Variants in TJP2 observed in about 807,000 individuals in gnomAD.
TJP2 encodes Friedreich ataxia region gene X104 (tight junction protein ZO-2).
In TJP2, 91 loss-of-function variants were observed where a neutral mutation model predicts 133.1. The observed-to-expected ratio is 0.68, with a 90% CI of 0.58 to 0.81. The LOEUF is 0.81. Ranked by LOEUF, TJP2 falls within the 40% of genes least tolerant of loss-of-function variation. The pLI, the probability that TJP2 is intolerant of heterozygous loss-of-function variation, is 0.00. For missense variants in TJP2, 1,541 were observed against 1,565.6 expected (o/e 0.98, Z 0.26); for synonymous variants, 592 against 583.4 (o/e 1.01, Z -0.21).
At chr9:69,234,648 A>G (rs1830050831) in intron 12 of TJP2, 101 bp downstream of exon 12, 3 of 873,112 alleles carry the variant, frequency 3.4e-6, no homozygotes, top group African/African-American at 3.4e-5. Context: ...TGGGTATTAA[A>G]AAATTGAGAT....
intron 2 of TJP2, among the ~76,000 whole-genome samples, chr9:69,155,955 A>G (rs542710070): frequency 1.7e-4 from 26 of 152,358 alleles, no homozygotes; most frequent in Non-Finnish European, 3.1e-4. Flanking sequence ...CCTGTACATT[A>G]AAAGAGTCTG....
chr9:69,253,864 A>C (rs1452435775), intron 22 of TJP2: 1 of 351,220 alleles, frequency 2.8e-6, no homozygotes, highest in African/African-American at 2.1e-5. Context: ...TCTGGCAACA[A>C]AGAGTTCTTG....
At chr9:69,139,892 C>T (rs1303846633) in intron 1 of TJP2, among the ~76,000 whole-genome samples, 2 of 152,170 alleles carry the variant, frequency 1.3e-5, no homozygotes, top group Non-Finnish European at 2.9e-5. Flanking sequence ...TGGGGCCTTC[C>T]TGGCCAGCAG....
At chr9:69,159,141 C>T (rs1823926197) in intron 2 of TJP2, among the ~76,000 whole-genome samples, 1 of 151,062 alleles carries the variant, frequency 6.6e-6, no homozygotes, top group Non-Finnish European at 1.5e-5. Context: ...TCTGTCTCTA[C>T]AAAAAATACC....
In TJP2 at chr9:69,220,790, G is replaced by C. The variant is rs994980552; in HGVS notation, c.343-97G>C. ...AACCTTAGTGAGTCGGCAGGGATAC[G>C]GTTTTCCTGAAACCAGAACCAGGGC... is the stretch of plus-strand genomic sequence containing the variant. On this transcript the variant is annotated intron_variant, in intron 4 of 22. Coordinates refer to ENST00000377245, the MANE Select transcript of TJP2 (RefSeq NM_004817.4). 5 of 1,228,236 alleles carry C rather than the reference G, an allele frequency of 4.1e-6. No homozygotes were observed. In the Admixed American group the frequency reaches 9.0e-5, roughly 22 times the overall value. The allele number at this position is 1,228,236 out of a possible 1,614,324, so 76.1% of individuals were successfully genotyped here. A position where few individuals can be genotyped will look rare whatever the true frequency, so the allele number is the denominator to read the frequency against.
intron 17 of TJP2, among the ~76,000 whole-genome samples, chr9:69,241,814 A>G (rs1391947770): frequency 6.6e-6 from 1 of 152,192 alleles, no homozygotes; most frequent in Non-Finnish European, 1.5e-5. Flanking sequence ...CTGAGCCCAG[A>G]CTAAACTATA....
intron 1 of TJP2, among the ~76,000 whole-genome samples, chr9:69,201,317 G>A (rs921580308): frequency 6.6e-6 from 1 of 152,198 alleles, no homozygotes; most frequent in African/African-American, 2.4e-5. Flanking sequence ...ACTGGTTGGA[G>A]CAGGCTGCAG....
intron 1 of TJP2, among the ~76,000 whole-genome samples, chr9:69,195,847 G>T (rs1826522137): frequency 6.6e-6 from 1 of 152,214 alleles, no homozygotes; most frequent in Non-Finnish European, 1.5e-5. Context: ...GTGTTGACTG[G>T]ACCCAGGCCA....
Position 69,227,875 on chromosome 9 carries a change from T to C in TJP2, c.1319+2T>C, listed in dbSNP as rs750464696. On this transcript the variant is annotated splice_donor_variant, in intron 8 of 22. Transcript: ENST00000377245. LOFTEE classifies it high-confidence loss of function. ...TGAGAAGCTGAAGGAAAGGCCAAGG[T>C]AAGATGACATGAATATTCTCTTGTA... 7.4e-6 allele frequency: 12 copies of C among 1,612,802 alleles called. No individual in the cohort carries two copies. The African/African-American group carries it at 1.5e-4, about 20-fold the overall frequency.
chr9:69,187,796 G>A (rs1825954545), intron 1 of TJP2, among the ~76,000 whole-genome samples: 1 of 152,182 alleles, frequency 6.6e-6, no homozygotes, highest in African/African-American at 2.4e-5. Flanking sequence ...GCATGATGTA[G>A]AGTAGTTGCT....
intron 17 of TJP2, among the ~76,000 whole-genome samples, chr9:69,241,022 A>G (rs1830547151): frequency 6.6e-6 from 1 of 152,188 alleles, no homozygotes; most frequent in African/African-American, 2.4e-5. Context: ...ATGGGATTAT[A>G]GACAGGACAA....
At chr9:69,204,278 A>G (rs1827225323) in intron 1 of TJP2, among the ~76,000 whole-genome samples, 1 of 152,230 alleles carries the variant, frequency 6.6e-6, no homozygotes, top group Non-Finnish European at 1.5e-5. Flanking sequence ...CTCAAATCAA[A>G]TGGCACACTT....
At position 69,240,040 on chromosome 9, in the gene TJP2, G is replaced by A; in HGVS notation, c.2459G>A (p.Gly820Asp). The stretch of plus-strand genomic sequence containing the variant: ...TTTTTCAACCCAGACTCCAGACAAG[G>A]TGTCAAAACCATGAGACAAAGGTTA... ...VIFFNPDSRQ[G>D]VKTMRQRLNP... Residue 820 changes from glycine (G) to aspartate (D), a missense_variant, in exon 17 of 23, where the codon GGT becomes GAT. Coordinates refer to ENST00000377245, the MANE Select transcript of TJP2 (RefSeq NM_004817.4). The A allele has an allele frequency of 5.0e-6, 8 of 1,614,024 alleles. No homozygotes were observed. The highest frequency in any genetic ancestry group is 6.8e-6 in the Non-Finnish European group (8 of 1,180,016).
intron 11 of TJP2, among the ~76,000 whole-genome samples, chr9:69,231,677 A>G (rs1829796008): frequency 6.6e-6 from 1 of 152,112 alleles, no homozygotes; most frequent in Non-Finnish European, 1.5e-5. Context: ...GCAAACCTTG[A>G]TCATGAGCTT....
At chr9:69,248,589 A>G (rs1403250022) in intron 19 of TJP2, 1 of 1,176,332 alleles carries the variant, frequency 8.5e-7, no homozygotes, top group Non-Finnish European at 1.0e-6. Context: ...CTGTACTCTT[A>G]GATGTCCTTG....
At position 69,146,152 on chromosome 9, in the gene TJP2, G is replaced by T. The variant is rs148113786; in HGVS notation, c.-130-5499G>T. ...CAATTCTTAAGAATGAAGAAAATAT[G>T]CCTTATTACTATAATGTTTTTCAAC... On this transcript the variant is annotated intron_variant, in intron 1 of 5. Transcript: ENST00000423935. 4.0e-3 allele frequency among the ~76,000 whole-genome samples: 616 copies of T among 152,242 alleles called. 5 individuals carry two copies. The highest frequency in any genetic ancestry group is 0.013 in the African/African-American group (556 of 41,554).
At chr9:69,151,055 T>C (rs772053349) in intron 1 of TJP2, among the ~76,000 whole-genome samples, 2 of 152,176 alleles carry the variant, frequency 1.3e-5, no homozygotes, top group Non-Finnish European at 2.9e-5. Context: ...ATATCCAGAA[T>C]AGATAAATCT....
At chr9:69,194,449 A>G (rs572686630) in intron 1 of TJP2, among the ~76,000 whole-genome samples, 1 of 152,328 alleles carries the variant, frequency 6.6e-6, no homozygotes, top group Non-Finnish European at 1.5e-5. Flanking sequence ...CTAGCAAAAA[A>G]AAGGAAATGG....
chr9:69,218,393 T>G, intron 4 of TJP2, 34 bp downstream of exon 4: 1 of 1,579,756 alleles, frequency 6.3e-7, no homozygotes, highest in Non-Finnish European at 8.7e-7. Flanking sequence ...CTTGCCTTAA[T>G]AGCATTTTGG....
Sources: gnomAD v4.1 joint callset for allele counts (sites outside exome capture counted in the v4.1 genomes callset) on GRCh38, gnomAD v4.1.1 for gene constraint, MANE v1.5 for transcripts, NCBI Gene and HGNC (gene_info 2026-07-23, HGNC 2026-07-21) for gene names.